Variants in ITSN1 observed in about 807,000 individuals in gnomAD.
ITSN1 encodes the protein intersectin 1, also known as intersectin-1.
Under a neutral mutation model 239.8 loss-of-function variants are expected in ITSN1, and 58 were observed. The observed-to-expected ratio is 0.24, with a 90% CI of 0.20 to 0.30. The LOEUF (loss-of-function observed/expected upper bound fraction) is 0.30. Among genes scored for constraint, ITSN1 ranks in the 10% least tolerant of loss-of-function variants. The probability of loss-of-function intolerance (pLI) is 1.00; values close to 1 mark genes in which losing one functional copy is unlikely to be tolerated. For missense variants in ITSN1, 1,558 were observed against 2,103.3 expected (o/e 0.74, Z 5.07); for synonymous variants, 780 against 770.8 (o/e 1.01, Z -0.20).
intron 5 of ITSN1, among the ~76,000 whole-genome samples, chr21:33,748,615 C>T (rs897872914): frequency 5.3e-5 from 8 of 151,654 alleles, no homozygotes; most frequent in African/African-American, 1.5e-4. Flanking sequence ...TGAGGCAGGA[C>T]GATCACTTGA....
intron 25 of ITSN1, among the ~76,000 whole-genome samples, chr21:33,825,741 A>G (rs1479508790): frequency 6.6e-6 from 1 of 152,132 alleles, no homozygotes; most frequent in Non-Finnish European, 1.5e-5. Flanking sequence ...CCTTTTTTTG[A>G]TATGCAGCCT....
At chr21:33,816,801 CG>C (rs1240800734) in intron 22 of ITSN1, among the ~76,000 whole-genome samples, 2 of 151,974 alleles carry the variant, frequency 1.3e-5, no homozygotes, top group African/African-American at 2.4e-5. Flanking sequence ...AATGGAAGGT[CG>C]AGAATATACA....
intron 24 of ITSN1, among the ~76,000 whole-genome samples, chr21:33,822,445 C>T (rs1032283420): frequency 2.0e-5 from 3 of 152,154 alleles, no homozygotes; most frequent in South Asian, 2.1e-4. Context: ...TAAAAAAATA[C>T]ATACAAAAGC....
At chr21:33,742,466 T>C (rs1448395704) in intron 5 of ITSN1, among the ~76,000 whole-genome samples, 3 of 152,228 alleles carry the variant, frequency 2.0e-5, no homozygotes, top group Non-Finnish European at 2.9e-5. Context: ...AGAATTAGGG[T>C]ACCTGGTGCA....
intron 22 of ITSN1, among the ~76,000 whole-genome samples, chr21:33,816,780 AAG>A (rs2073303220): frequency 6.6e-6 from 1 of 152,182 alleles, no homozygotes; most frequent in Non-Finnish European, 1.5e-5. Flanking sequence ...GGTCCACTGC[AAG>A]AGGGGGAAAA....
intron 1 of ITSN1, among the ~76,000 whole-genome samples, chr21:33,645,806 C>G (rs1158109365): frequency 2.0e-5 from 3 of 152,218 alleles, no homozygotes; most frequent in Non-Finnish European, 4.4e-5. Flanking sequence ...AAACCACTGG[C>G]TTCCTTCTCT....
chr21:33,881,163 T>C (rs2148553208), intron 34 of ITSN1, among the ~76,000 whole-genome samples: 1 of 152,250 alleles, frequency 6.6e-6, no homozygotes, highest in Middle Eastern at 3.4e-3. Context: ...ATCCCAGCAC[T>C]TTGGGAGGCC....
At chr21:33,658,237 C>T (rs1212514488) in intron 1 of ITSN1, among the ~76,000 whole-genome samples, 1 of 152,140 alleles carries the variant, frequency 6.6e-6, no homozygotes, top group African/African-American at 2.4e-5. Context: ...TCATTGTCTT[C>T]ACGTTGAGTA....
chr21:33,873,836 T>C (rs1301631650), intron 33 of ITSN1, among the ~76,000 whole-genome samples: 1 of 144,000 alleles, frequency 6.9e-6, no homozygotes. Flanking sequence ...CGTGCCACTG[T>C]TCTCCAGCCT....
Position 33,767,718 on chromosome 21 carries a change from T to A in ITSN1, c.932T>A (p.Val311Asp). 1 of 1,596,870 alleles carries A rather than the reference T, an allele frequency of 6.3e-7. No homozygotes were observed. Among genetic ancestry groups the A allele is most frequent in the Non-Finnish European group, 8.6e-7 (1 of 1,168,496 alleles). Residue 311 changes from valine to aspartate, a missense_variant, in exon 11 of 40, where the codon GTT becomes GAT. By Grantham distance (152) the Val-to-Asp change is radical. This residue lies in a region of ITSN1 where 982 missense variants were observed against 1,209.9 expected (regional missense o/e 0.81). Coordinates refer to ENST00000381318, the MANE Select transcript of ITSN1 (RefSeq NM_003024.3). ...PEYIPPSFRR[V>D]RSGSGISVIS... ...CTTTTTCCCCGCAATTGCAGAAGAGTTCGATCTGGCAGTGGTATATCTGTC... is the reference window on the plus strand; with the variant it reads ...CTTTTTCCCCGCAATTGCAGAAGAGATCGATCTGGCAGTGGTATATCTGTC...
At chr21:33,818,622 C>A in intron 23 of ITSN1, 150 bp downstream of exon 23, 1 of 672,636 alleles carries the variant, frequency 1.5e-6, no homozygotes, top group Non-Finnish European at 2.6e-6. Flanking sequence ...TATAGAGTAC[C>A]AAAAGGGAGC....
chr21:33,735,078 G>A lies in ITSN1; in HGVS notation c.220G>A (p.Asp74Asn). The A allele has an allele frequency of 6.2e-7, 1 of 1,613,762 alleles. No individual in the cohort carries two copies. Among genetic ancestry groups the A allele is most frequent in the Non-Finnish European group, 8.5e-7 (1 of 1,179,866 alleles). The change falls in exon 5 of 40, where the codon GAT (aspartate) becomes AAT (asparagine). Residue 74 changes from aspartate (D) to asparagine (N), a missense_variant. Transcript: ENST00000381318. ...LADMNNDGRM[D>N]QVEFSIAMKL... ...TGACATGAATAATGATGGAAGAATG[G>A]ATCAAGTGGAGTTTTCCATAGCTAT...
intron 8 of ITSN1, among the ~76,000 whole-genome samples, chr21:33,761,306 A>G (rs1341162870): frequency 6.6e-6 from 1 of 152,086 alleles, no homozygotes; most frequent in Non-Finnish European, 1.5e-5. Context: ...AGCTCGAGCC[A>G]TCTGCCTGCC....
intron 5 of ITSN1, among the ~76,000 whole-genome samples, chr21:33,747,453 T>A (rs1488837424): frequency 6.6e-6 from 1 of 152,106 alleles, no homozygotes; most frequent in Non-Finnish European, 1.5e-5. Context: ...TTGCCAAATT[T>A]GGTGAAAAGC....
At chr21:33,809,551 AT>A (rs1401428786) in intron 20 of ITSN1, among the ~76,000 whole-genome samples, 4 of 152,214 alleles carry the variant, frequency 2.6e-5, no homozygotes, top group Admixed American at 2.6e-4. Context: ...TAATGTAATC[AT>A]TTTTTGCTTT....
chr21:33,709,136 C>T (rs533658513), intron 1 of ITSN1, among the ~76,000 whole-genome samples: 2 of 152,284 alleles, frequency 1.3e-5, no homozygotes, highest in African/African-American at 4.8e-5. Context: ...TCTTTACTAT[C>T]AGCTTGCCGA....
At chr21:33,866,560 G>A (rs189116101) in intron 32 of ITSN1, among the ~76,000 whole-genome samples, 1 of 152,056 alleles carries the variant, frequency 6.6e-6, no homozygotes, top group Non-Finnish European at 1.5e-5. Context: ...CCAGCTGCGA[G>A]GTGTTCCTGG....
At chr21:33,853,413 C>T (rs1014441577) in intron 29 of ITSN1, among the ~76,000 whole-genome samples, 3 of 152,038 alleles carry the variant, frequency 2.0e-5, no homozygotes, top group Admixed American at 1.3e-4. Context: ...CCCAACTGGC[C>T]CCAGGCTCCT....
At chr21:33,720,655 T>C (rs1270514854) in intron 2 of ITSN1, among the ~76,000 whole-genome samples, 1 of 152,196 alleles carries the variant, frequency 6.6e-6, no homozygotes, top group Non-Finnish European at 1.5e-5. Context: ...TAAAATTTAC[T>C]AGCTTTAGTT....
Sources: allele counts gnomAD v4.1 joint callset (sites outside exome capture counted in the v4.1 genomes callset), GRCh38; gene constraint gnomAD v4.1.1; regional missense constraint gnomAD v4.1.1; transcripts MANE v1.5; gene names NCBI Gene and HGNC (gene_info 2026-07-23, HGNC 2026-07-21).